Variants in HHIPL1 observed in about 807,000 individuals in gnomAD.
The protein encoded by HHIPL1 is HHIP like 1, also known as HHIP-like protein 1.
A neutral mutation model predicts 61.8 loss-of-function variants in HHIPL1; 43 were observed. The observed-to-expected ratio is 0.70, with a 90% CI of 0.55 to 0.90. The LOEUF (loss-of-function observed/expected upper bound fraction) is 0.90. Ranked by LOEUF, HHIPL1 falls within the 40% of genes least tolerant of loss-of-function variation. HHIPL1 has a pLI of 0.00. For missense variants in HHIPL1, 1,056 were observed against 1,157.7 expected, an observed-to-expected ratio of 0.91 and a Z score of 1.28; for synonymous variants, 482 against 515.8, an observed-to-expected ratio of 0.93 and a Z score of 0.89.
At chr14:99,642,173 C>T (rs2055760316), upstream of HHIPL1, among the ~76,000 whole-genome samples, 1 of 152,142 alleles carries the variant, frequency 6.6e-6, no homozygotes, top group Non-Finnish European at 1.5e-5. Context: ...CTCCTGACCT[C>T]AGGTGATCAG....
At position 99,654,205 on chromosome 14, in the gene HHIPL1, A is replaced by AG. The variant is rs1201339828; in HGVS notation, c.902+1335_902+1336insG. ...CTCTGTCTCAAAAAAAAAAAAAAAA[A>AG]AAAGAAAAAAGAAAAAAGGCAACCT... On this transcript the variant is annotated intron_variant, in intron 2 of 8. Coordinates refer to ENST00000330710, the MANE Select transcript of HHIPL1 (RefSeq NM_001127258.3). 3.1e-3 allele frequency among the ~76,000 whole-genome samples: 474 copies of AG among 151,014 alleles called. 2 individuals carry two copies. Among genetic ancestry groups the AG allele is most frequent in the African/African-American group, 9.5e-3 (391 of 41,114 alleles).
At chr14:99,633,891 C>A in the HHIPL1 span, among the ~76,000 whole-genome samples, 5 of 152,258 alleles carry the variant, frequency 3.3e-5, no homozygotes, top group South Asian at 2.1e-4. Flanking sequence ...CCTCTCTCCC[C>A]CGTGTCCGGG....
Position 99,660,555 on chromosome 14 carries a change from C to T in HHIPL1, c.1502+149C>T, listed in dbSNP as rs191943610. On this transcript the variant is annotated intron_variant, in intron 5 of 8. Transcript: ENST00000330710. This position sits in a 1 kb window ranked among gnomAD's most constrained non-coding sequence, Gnocchi z 4.9. ...GGCCCCTAGGTGTGGGCCGGACACC[C>T]GCATCCACCCGCTTTTCTCCTGAGA... 1.4e-4 allele frequency: 120 copies of T among 884,466 alleles called. No homozygotes were observed. The African/African-American group carries it at 1.7e-3, about 12-fold the overall frequency. The allele number at this position is 884,466 out of a possible 1,614,324, so 54.8% of individuals were successfully genotyped here.
Position 99,675,596 on chromosome 14 carries a change from C to T in HHIPL1, c.2319C>T (p.Val773=), listed in dbSNP as rs2056382370. ...GCGAGCACGACGAGGATGCGGGCGT[C>T]GTGTGCAGCCACCAGAACCCCGACC... ...HNCEHDEDAG[V]VCSHQNPDL Residue 773 remains valine (V), a synonymous_variant, in exon 9 of 9, where the codon GTC becomes GTT. Coordinates refer to ENST00000330710, the MANE Select transcript of HHIPL1 (RefSeq NM_001127258.3). This position sits in a 1 kb window ranked among gnomAD's most constrained non-coding sequence, Gnocchi z 5.4. 1.3e-6 allele frequency: 2 copies of T among 1,529,454 alleles called. No homozygotes were observed. Among genetic ancestry groups the T allele is most frequent in the South Asian group, 1.2e-5 (1 of 83,480 alleles). The allele number at this position is 1,529,454 out of a possible 1,614,324, so 94.7% of individuals were successfully genotyped here.
chr14:99,630,646 C>T, the HHIPL1 span, among the ~76,000 whole-genome samples: 2 of 152,240 alleles, frequency 1.3e-5, no homozygotes, highest in Admixed American at 1.3e-4. Context: ...AAGGCCGCTG[C>T]CAGCACATAG....
Position 99,652,433 on chromosome 14 carries a change from C to T in HHIPL1, c.465C>T (p.Asp155=). ...FCRYLSLDDT[D]YCFPYLLVNK... The stretch of plus-strand genomic sequence containing the variant: ...GCTACCTGTCCCTGGATGACACGGA[C>T]TACTGCTTCCCTTACCTGCTGGTCA... Residue 155 remains aspartate (D), a synonymous_variant, in exon 2 of 9, where the codon GAC becomes GAT. Coordinates refer to ENST00000330710, the MANE Select transcript of HHIPL1 (RefSeq NM_001127258.3). 6.2e-7 allele frequency: 1 copy of T among 1,614,220 alleles called. No homozygotes were observed. The highest frequency in any genetic ancestry group is 8.5e-7 in the Non-Finnish European group (1 of 1,180,040).
chr14:99,664,281 T>C (rs2056205153), intron 6 of HHIPL1, among the ~76,000 whole-genome samples: 1 of 152,088 alleles, frequency 6.6e-6, no homozygotes, highest in Non-Finnish European at 1.5e-5. Flanking sequence ...TGGGAAACCT[T>C]TGTTGAACCG....
chr14:99,674,268 G>A (rs140582776), intron 8 of HHIPL1, among the ~76,000 whole-genome samples: 106 of 151,998 alleles, frequency 7.0e-4, no homozygotes, highest in Middle Eastern at 3.4e-3. Flanking sequence ...CCAGTGCCTG[G>A]CACTGCACCT....
chr14:99,675,752 T>A lies in HHIPL1; in HGVS notation c.*126T>A, dbSNP rs1001928811. The stretch of plus-strand genomic sequence containing the variant: ...AAGGGGGTGCGGGTGTGTGCTGTCC[T>A]GGGGACATGTGTGAGGCGCTGCAGT... On this transcript the variant is annotated 3_prime_UTR_variant, in exon 9 of 9. Transcript: ENST00000330710. The surrounding 1 kb of genome is among the most constrained non-coding windows in gnomAD (Gnocchi z 5.4). 1 of 965,916 alleles carries A rather than the reference T, an allele frequency of 1.0e-6. No homozygotes were observed. Among genetic ancestry groups the A allele is most frequent in the Non-Finnish European group, 1.5e-6 (1 of 681,940 alleles). The allele number at this position is 965,916 out of a possible 1,614,324, so 59.8% of individuals were successfully genotyped here.
intron 3 of HHIPL1, among the ~76,000 whole-genome samples, chr14:99,659,212 G>A (rs1028159444): frequency 6.6e-5 from 10 of 152,222 alleles, no homozygotes; most frequent in African/African-American, 2.4e-4. Flanking sequence ...CAGGCCTGGC[G>A]CACAGGAAGG....
intron 8 of HHIPL1, among the ~76,000 whole-genome samples, chr14:99,674,576 C>G (rs1299894754): frequency 1.3e-5 from 2 of 152,166 alleles, no homozygotes; most frequent in Non-Finnish European, 2.9e-5. Flanking sequence ...CGTTCCCAAC[C>G]TGCTGGCCAC....
chr14:99,675,688 CCT>C lies in HHIPL1; in HGVS notation c.*63_*64del. 1 of 1,418,798 alleles carries C rather than the reference CCT, an allele frequency of 7.0e-7. No individual in the cohort carries two copies. The highest frequency in any genetic ancestry group is 9.3e-7 in the Non-Finnish European group (1 of 1,078,210). 87.9% of individuals were successfully genotyped at this position (1,418,798 alleles called of 1,614,324 possible). On this transcript the variant is annotated 3_prime_UTR_variant, in exon 9 of 9. Transcript: ENST00000330710. This position sits in a 1 kb window ranked among gnomAD's most constrained non-coding sequence, Gnocchi z 5.4. The stretch of plus-strand genomic sequence containing the variant: ...GGGAGCCTGGCAGGGGCCGCTCCGC[CCT>C]GTGTGCGCCCAGCGGGTGCACACGT...
intron 6 of HHIPL1, among the ~76,000 whole-genome samples, chr14:99,667,824 G>A (rs1452608410): frequency 2.0e-5 from 3 of 152,208 alleles, no homozygotes; most frequent in East Asian, 1.9e-4. Context: ...ATGTGCCTGC[G>A]GGTCCCCTGG....
At chr14:99,665,394 G>T (rs1227101979) in intron 6 of HHIPL1, among the ~76,000 whole-genome samples, 1 of 152,192 alleles carries the variant, frequency 6.6e-6, no homozygotes, top group Non-Finnish European at 1.5e-5. Flanking sequence ...GCTGTCTCTG[G>T]AATGGGGGTC....
chr14:99,605,382 C>T, the HHIPL1 span, among the ~76,000 whole-genome samples: 2 of 19,622 alleles, frequency 1.0e-4, no homozygotes, highest in Admixed American at 3.6e-4. Context: ...CGGGGCGGGG[C>T]GGGGCGGGGG....
Position 99,668,573 on chromosome 14 carries a change from T to G in HHIPL1, c.1730+270T>G, listed in dbSNP as rs932708175. Among the ~76,000 whole-genome samples, 1 of 152,070 alleles carries G rather than the reference T, an allele frequency of 6.6e-6. No individual in the cohort carries two copies. The highest frequency in any genetic ancestry group is 1.5e-5 in the Non-Finnish European group (1 of 67,982). On this transcript the variant is annotated intron_variant, in intron 7 of 8. Coordinates refer to ENST00000330710, the MANE Select transcript of HHIPL1 (RefSeq NM_001127258.3). The surrounding 1 kb of genome is among the most constrained non-coding windows in gnomAD (Gnocchi z 4.7). ...GGTGACTGGGGCCGCGGGCCGAGGC[T>G]TCACTTGGCTTTCTTGCCTGGCCCG...
upstream of HHIPL1, among the ~76,000 whole-genome samples, chr14:99,640,874 C>CTTTTTTTTT (rs1178661799): frequency 1.1e-5 from 1 of 93,930 alleles, no homozygotes; most frequent in African/African-American, 4.3e-5. Context: ...TTTACTTCTT[C>CTTTTTTTTT]TTCTTTTTTT....
chr14:99,628,041 A>AG, the HHIPL1 span, among the ~76,000 whole-genome samples: 1 of 152,066 alleles, frequency 6.6e-6, no homozygotes. Flanking sequence ...GATGGATTGG[A>AG]GGGGGCAGGC....
rs552770233 is a variant in HHIPL1 at position 99,679,637 on chromosome 14, T to G, written c.*4011T>G. 3 of 152,376 alleles carry G rather than the reference T, an allele frequency of 2.0e-5. No homozygotes were observed. Among genetic ancestry groups the G allele is most frequent in the Admixed American group, 2.0e-4 (3 of 15,310 alleles). 9.4% of individuals were successfully genotyped at this position (152,376 alleles called of 1,614,324 possible). ...TGGGTTCCAGTCCTGGCTCTGTGCC[T>G]CTCTGAGTCTCATTGCAAAATAGAG... On this transcript the variant is annotated 3_prime_UTR_variant, in exon 9 of 9. Coordinates refer to ENST00000330710, the MANE Select transcript of HHIPL1 (RefSeq NM_001127258.3).
Sources: allele counts gnomAD v4.1 joint callset (sites outside exome capture counted in the v4.1 genomes callset), GRCh38; gene constraint gnomAD v4.1.1; non-coding constraint Gnocchi (gnomAD v3.1); transcripts MANE v1.5; gene names NCBI Gene and HGNC (gene_info 2026-07-23, HGNC 2026-07-21).